CELF4: variants seen among roughly 807,000 people sequenced by gnomAD.
CELF4 encodes CUG-BP- and ETR-3-like factor 4.
In CELF4, 18 loss-of-function variants were observed where a neutral mutation model predicts 59.9. That is an observed-to-expected ratio of 0.30 (90% CI 0.21 to 0.45). The LOEUF is 0.45. Ranked by LOEUF, CELF4 falls within the 20% of genes least tolerant of loss-of-function variation. The probability of loss-of-function intolerance (pLI) is 1.00; values close to 1 mark genes in which losing one functional copy is unlikely to be tolerated. For missense variants in CELF4, 456 were observed against 689.0 expected (o/e 0.66, Z 3.79); for synonymous variants, 261 against 267.1 (o/e 0.98, Z 0.22).
chr18:37,273,278 A>G, intron 6 of CELF4, 115 bp from the exon 7 acceptor site: 1 of 1,461,274 alleles, frequency 6.8e-7, no homozygotes, highest in Non-Finnish European at 9.1e-7. Context: ...GAAGCTCCCA[A>G]CTACCACTCC....
At chr18:37,529,879 G>C (rs1339148168) in intron 1 of CELF4, among the ~76,000 whole-genome samples, 1 of 152,178 alleles carries the variant, frequency 6.6e-6, no homozygotes, top group Non-Finnish European at 1.5e-5. Flanking sequence ...ATTCTATGCA[G>C]AGCAATACCC....
intron 2 of CELF4, among the ~76,000 whole-genome samples, chr18:37,367,654 T>C (rs1411590291): frequency 6.6e-6 from 1 of 151,340 alleles, no homozygotes; most frequent in Non-Finnish European, 1.5e-5. Flanking sequence ...GAAGGAAAAA[T>C]GCAAATCAGG....
At chr18:37,364,052 TGC>T (rs2098744018) in intron 2 of CELF4, among the ~76,000 whole-genome samples, 1 of 152,228 alleles carries the variant, frequency 6.6e-6, no homozygotes, top group Non-Finnish European at 1.5e-5. Flanking sequence ...ACAGCCTCTT[TGC>T]CTGGTGGAGG....
chr18:37,300,722 T>C (rs2095970895), intron 3 of CELF4, among the ~76,000 whole-genome samples: 1 of 152,220 alleles, frequency 6.6e-6, no homozygotes, highest in Non-Finnish European at 1.5e-5. Flanking sequence ...AGGGTAGTGA[T>C]ATATGCCATG....
chr18:37,413,040 C>T lies in CELF4; in HGVS notation c.369+72485G>A, dbSNP rs113672575. Among the ~76,000 whole-genome samples, 438 of 152,214 alleles carry T rather than the reference C, an allele frequency of 2.9e-3. 3 individuals carry two copies. The highest frequency in any genetic ancestry group is 9.9e-3 in the African/African-American group (412 of 41,550). On this transcript the variant is annotated intron_variant, in intron 2 of 12. Transcript: ENST00000420428. Reference sequence around the variant, plus strand: ...AGGCTGTGCACACACATTATTGGCTCGCTCTTCAATCATGCCTTTCCAGCT... The same window carrying T: ...AGGCTGTGCACACACATTATTGGCTTGCTCTTCAATCATGCCTTTCCAGCT...
At chr18:37,284,980 T>A (rs2094585246) in intron 3 of CELF4, among the ~76,000 whole-genome samples, 1 of 152,054 alleles carries the variant, frequency 6.6e-6, no homozygotes, top group South Asian at 2.1e-4. Context: ...CCGCCTGGAG[T>A]TCTCACTCCC....
At chr18:37,371,816 G>A (rs942904986) in intron 2 of CELF4, among the ~76,000 whole-genome samples, 2 of 152,212 alleles carry the variant, frequency 1.3e-5, no homozygotes, top group African/African-American at 4.8e-5. Flanking sequence ...GGTGACTGAG[G>A]CTTATGCCTG....
intron 2 of CELF4, among the ~76,000 whole-genome samples, chr18:37,353,327 T>G (rs115403037): frequency 4.0e-5 from 6 of 151,602 alleles, no homozygotes; most frequent in Admixed American, 4.0e-4. Flanking sequence ...AGTTAAACTT[T>G]CCAGTGAGGC....
intron 2 of CELF4, among the ~76,000 whole-genome samples, chr18:37,398,854 A>G (rs1034103670): frequency 6.6e-6 from 1 of 152,104 alleles, no homozygotes; most frequent in Non-Finnish European, 1.5e-5. Flanking sequence ...CAACTGTAAG[A>G]TGGAGGTGGC....
chr18:37,390,808 G>GGC lies in CELF4; in HGVS notation c.370-68928_370-68927insGC, dbSNP rs1491359705. Among the ~76,000 whole-genome samples, 8 of 34,472 alleles carry GGC rather than the reference G, an allele frequency of 2.3e-4. 1 individual carries two copies. The highest frequency in any genetic ancestry group is 7.9e-4 in the Admixed American group (3 of 3,782). The allele number at this position is 34,472 out of a possible 152,430, so 22.6% of individuals were successfully genotyped here. On this transcript the variant is annotated intron_variant, in intron 2 of 12. Coordinates refer to ENST00000420428, the MANE Select transcript of CELF4 (RefSeq NM_020180.4). ...GCTGGTGGTGGTGATGGGGCGGGGA[G>GGC]GGGGGGCAGTGCTGCTGGCCGGCAC...
chr18:37,291,404 A>G (rs1805235), intron 3 of CELF4, among the ~76,000 whole-genome samples: 84,200 of 152,100 alleles, frequency 0.55, 25,331 homozygotes, highest in African/African-American at 0.8. Context: ...GTTGGGCAGG[A>G]AGCCTGGACC....
At position 37,254,920 on chromosome 18, in the gene CELF4, G is replaced by C. The variant is rs986584930; in HGVS notation, c.1334-982C>G. 2.6e-5 allele frequency among the ~76,000 whole-genome samples: 4 copies of C among 152,192 alleles called. No individual in the cohort carries two copies. The highest frequency in any genetic ancestry group is 5.9e-5 in the Non-Finnish European group (4 of 68,034). On this transcript the variant is annotated intron_variant, in intron 11 of 12. Coordinates refer to ENST00000420428, the MANE Select transcript of CELF4 (RefSeq NM_020180.4). The surrounding 1 kb of genome is among the most constrained non-coding windows in gnomAD (Gnocchi z 5.1). ...AAACTGGCCCTAATAGGTGCTCCTC[G>C]AGAAAGGGCTTGTGTGGTCAGGAGG...
intron 3 of CELF4, among the ~76,000 whole-genome samples, chr18:37,308,957 G>T (rs4799444): frequency 3.3e-5 from 5 of 151,902 alleles, no homozygotes; most frequent in Admixed American, 6.6e-5. Context: ...CTGCTGGCTG[G>T]GCTTGCACCT....
chr18:37,560,417 C>A (rs1415102765), intron 1 of CELF4, among the ~76,000 whole-genome samples: 2 of 152,164 alleles, frequency 1.3e-5, no homozygotes, highest in African/African-American at 4.8e-5. Context: ...TTATCAACAT[C>A]TGGAATTTGG....
At chr18:37,512,091 T>G (rs1392265408) in intron 1 of CELF4, among the ~76,000 whole-genome samples, 2 of 152,102 alleles carry the variant, frequency 1.3e-5, no homozygotes, top group African/African-American at 4.8e-5. Context: ...TGGGGCCCAG[T>G]GCTCTGCTGT....
At chr18:37,256,943 G>A (rs1401235414) in intron 11 of CELF4, among the ~76,000 whole-genome samples, 1 of 152,226 alleles carries the variant, frequency 6.6e-6, no homozygotes, top group Non-Finnish European at 1.5e-5. Flanking sequence ...CCTGGTGAGA[G>A]AGAGAACCCA....
chr18:37,477,998 G>A (rs574444875), intron 2 of CELF4, among the ~76,000 whole-genome samples: 1 of 152,210 alleles, frequency 6.6e-6, no homozygotes, highest in South Asian at 2.1e-4. Context: ...GGAGCAGGCA[G>A]TCTGGCTGCT....
intron 2 of CELF4, among the ~76,000 whole-genome samples, chr18:37,482,352 G>A (rs1044286860): frequency 6.6e-6 from 1 of 152,174 alleles, no homozygotes; most frequent in Non-Finnish European, 1.5e-5. Flanking sequence ...GTATGAGGGC[G>A]AGAGAGGCAG....
chr18:37,356,794 C>T (rs1214663083), intron 2 of CELF4, among the ~76,000 whole-genome samples: 1 of 152,178 alleles, frequency 6.6e-6, no homozygotes, highest in Non-Finnish European at 1.5e-5. Flanking sequence ...GCCTTCTGAC[C>T]TTGGTCTCTC....
Sources: gnomAD v4.1 joint callset for allele counts (sites outside exome capture counted in the v4.1 genomes callset) on GRCh38, gnomAD v4.1.1 for gene constraint, Gnocchi (gnomAD v3.1) non-coding constraint, MANE v1.5 for transcripts, NCBI Gene and HGNC (gene_info 2026-07-23, HGNC 2026-07-21) for gene names.